Variants in SEMA6D observed in about 807,000 individuals in gnomAD.
SEMA6D encodes semaphorin-6D.
In SEMA6D, 35 loss-of-function variants were observed where a neutral mutation model predicts 106.6. The observed-to-expected ratio is 0.33, with a 90% CI of 0.25 to 0.44. The LOEUF (loss-of-function observed/expected upper bound fraction) is 0.44. SEMA6D is among the 20% of genes least tolerant of loss of function. The pLI, the probability that SEMA6D is intolerant of heterozygous loss-of-function variation, is 1.00. For synonymous variants in SEMA6D, 499 were observed against 487.7 expected (o/e 1.02, Z -0.31); for missense variants, 1,185 against 1,345.9 (o/e 0.88, Z 1.87).
At chr15:47,652,258 A>T (rs1478778570) in intron 4 of SEMA6D, among the ~76,000 whole-genome samples, 5 of 152,080 alleles carry the variant, frequency 3.3e-5, no homozygotes. Flanking sequence ...AGGAGAAAAA[A>T]CCCAAAATCT....
intron 3 of SEMA6D, among the ~76,000 whole-genome samples, chr15:47,475,255 G>A (rs1469251412): frequency 1.3e-5 from 2 of 152,096 alleles, no homozygotes; most frequent in Non-Finnish European, 2.9e-5. Context: ...TGTGTGCCAG[G>A]CATTGTGCTA....
At chr15:47,249,963 A>G (rs2033417007) in intron 1 of SEMA6D, among the ~76,000 whole-genome samples, 1 of 152,194 alleles carries the variant, frequency 6.6e-6, no homozygotes, top group Non-Finnish European at 1.5e-5. Context: ...AGAAGATTTA[A>G]TTTGAATTTA....
At chr15:47,316,586 C>T (rs2036690294) in intron 1 of SEMA6D, among the ~76,000 whole-genome samples, 1 of 142,584 alleles carries the variant, frequency 7.0e-6, no homozygotes, top group Admixed American at 7.2e-5. Flanking sequence ...AGGAAGTTCT[C>T]TATTCCAGGT....
chr15:47,439,664 T>C (rs769505220), intron 2 of SEMA6D, among the ~76,000 whole-genome samples: 1 of 152,148 alleles, frequency 6.6e-6, no homozygotes, highest in Non-Finnish European at 1.5e-5. Flanking sequence ...TATTATTGAC[T>C]AAGTGCTGAT....
chr15:47,290,286 AT>A (rs199537591), intron 1 of SEMA6D, among the ~76,000 whole-genome samples: 8 of 151,542 alleles, frequency 5.3e-5, no homozygotes, highest in African/African-American at 1.2e-4. Flanking sequence ...ATAATGCAAC[AT>A]TTTTTTTTCC....
chr15:47,657,228 C>G (rs979028567), intron 4 of SEMA6D, among the ~76,000 whole-genome samples: 3 of 152,058 alleles, frequency 2.0e-5, no homozygotes, highest in Non-Finnish European at 4.4e-5. Context: ...GTGAACTGAG[C>G]AGTAAGTTTT....
chr15:47,378,387 T>A (rs1297889187), intron 1 of SEMA6D, among the ~76,000 whole-genome samples: 3 of 152,070 alleles, frequency 2.0e-5, no homozygotes, highest in African/African-American at 7.2e-5. Flanking sequence ...TCCCACCTAC[T>A]AAGGAGGCTG....
chr15:47,568,439 A>ACAAG (rs1566897171), intron 3 of SEMA6D, among the ~76,000 whole-genome samples: 6 of 151,876 alleles, frequency 4.0e-5, no homozygotes, highest in African/African-American at 1.5e-4. Context: ...GACAAGGTGA[A>ACAAG]TTTACAAGCA....
intron 1 of SEMA6D, among the ~76,000 whole-genome samples, chr15:47,338,461 G>T (rs948942773): frequency 6.6e-6 from 1 of 151,980 alleles, no homozygotes; most frequent in Admixed American, 6.6e-5. Context: ...TTACATGCCT[G>T]TATCAAAACA....
At chr15:47,576,600 C>G (rs780101806) in intron 3 of SEMA6D, among the ~76,000 whole-genome samples, 7 of 152,214 alleles carry the variant, frequency 4.6e-5, no homozygotes, top group Non-Finnish European at 1.0e-4. Flanking sequence ...GTCACTGAGG[C>G]ATTCATTCTG....
chr15:47,461,830 G>A (rs281323), intron 2 of SEMA6D, among the ~76,000 whole-genome samples: 87,463 of 151,240 alleles, frequency 0.58, 27,002 homozygotes, highest in East Asian at 0.87. Flanking sequence ...TTTGTAAAAT[G>A]TGTGAAGAAT....
In SEMA6D at chr15:47,770,864, G is replaced by C. The variant is rs145056482; in HGVS notation, c.2301G>C (p.Glu767Asp). Residue 767 changes from glutamate to aspartate, a missense_variant, in exon 19 of 19, where the codon GAG becomes GAC. Transcript: ENST00000536845. ...TGGACCATCGAGGGCAACCTCCAGA[G>C]TTGGCTGCTCTTCCTACTCCTGAGT... ...MVMDHRGQPPELAALPTPEST... is the reference protein window; with the variant it reads ...MVMDHRGQPPDLAALPTPEST... The C allele has an allele frequency of 1.3e-5, 21 of 1,613,592 alleles. No homozygotes were observed. The highest frequency in any genetic ancestry group is 1.7e-4 in the Middle Eastern group (1 of 6,056).
intron 2 of SEMA6D, among the ~76,000 whole-genome samples, chr15:47,467,702 T>C (rs1473689568): frequency 6.6e-6 from 1 of 152,140 alleles, no homozygotes; most frequent in Non-Finnish European, 1.5e-5. Context: ...GATTAACTCA[T>C]TGTCTCTTTT....
intron 1 of SEMA6D, among the ~76,000 whole-genome samples, chr15:47,267,305 C>T (rs925142147): frequency 6.6e-6 from 1 of 150,770 alleles, no homozygotes; most frequent in African/African-American, 2.4e-5. Flanking sequence ...GGGGAAGTCT[C>T]TTTTTTTTTC....
intron 1 of SEMA6D, among the ~76,000 whole-genome samples, chr15:47,252,236 G>A (rs777573793): frequency 5.3e-5 from 8 of 152,000 alleles, no homozygotes; most frequent in Admixed American, 4.6e-4. Context: ...TGAGTGTTGC[G>A]ATTTCTTCAT....
chr15:47,562,482 CT>C lies in SEMA6D; in HGVS notation c.-86-38380del, dbSNP rs545646304. ...ATAACTTTTGCATTTCAAACAATAG[CT>C]TTAAGAAAGACAGGACAGAAACTGA... On this transcript the variant is annotated intron_variant, in intron 3 of 19. Coordinates refer to the SEMA6D transcript ENST00000558014. 2.9e-3 allele frequency among the ~76,000 whole-genome samples: 436 copies of C among 152,080 alleles called. 2 individuals carry two copies. Among genetic ancestry groups the C allele is most frequent in the African/African-American group, 0.01 (427 of 41,538 alleles).
At chr15:47,752,967 C>G (rs767455242) in intron 1 of SEMA6D, among the ~76,000 whole-genome samples, 23 of 151,812 alleles carry the variant, frequency 1.5e-4, no homozygotes, top group Non-Finnish European at 2.8e-4. Context: ...CAAGGTTGCA[C>G]CACTGCACTC....
intron 1 of SEMA6D, among the ~76,000 whole-genome samples, chr15:47,291,688 G>A (rs541581006): frequency 6.6e-6 from 1 of 152,272 alleles, no homozygotes; most frequent in South Asian, 2.1e-4. Context: ...TATCTATAAT[G>A]CTTTGATTTT....
At chr15:47,312,352 G>A (rs1047038147) in intron 1 of SEMA6D, among the ~76,000 whole-genome samples, 2 of 152,058 alleles carry the variant, frequency 1.3e-5, no homozygotes, top group African/African-American at 4.8e-5. Flanking sequence ...ATATGATTGA[G>A]CATAATCTTT....
Sources: gnomAD v4.1 joint callset for allele counts (sites outside exome capture counted in the v4.1 genomes callset) on GRCh38, gnomAD v4.1.1 for gene constraint, MANE v1.5 for transcripts, NCBI Gene and HGNC (gene_info 2026-07-23, HGNC 2026-07-21) for gene names.